The following NTM variants were observed in gnomAD, a reference collection of about 807,000 sequenced individuals.
NTM encodes the protein IgLON family member 2.
A neutral mutation model predicts 42.1 loss-of-function variants in NTM; 13 were observed. The ratio of observed to expected loss-of-function variants is 0.31; its 90% CI spans 0.20 to 0.49. The LOEUF (loss-of-function observed/expected upper bound fraction) is 0.49, where lower values mean the gene tolerates loss of function less well. NTM is among the 20% of genes least tolerant of loss of function. NTM has a pLI of 0.99. For missense variants in NTM, 373 were observed against 452.8 expected, an observed-to-expected ratio of 0.82 and a Z score of 1.60; for synonymous variants, 187 against 179.2, an observed-to-expected ratio of 1.04 and a Z score of -0.35.
chr11:131,502,807 G>A (rs1449579922), intron 1 of NTM: 2 of 152,262 alleles, frequency 1.3e-5, no homozygotes, highest in Non-Finnish European at 2.9e-5. Flanking sequence ...CATCAGAGCT[G>A]TGTAACACAG....
At chr11:131,746,517 A>C (rs1565494896) in intron 1 of NTM, among the ~76,000 whole-genome samples, 1 of 152,190 alleles carries the variant, frequency 6.6e-6, no homozygotes, top group Non-Finnish European at 1.5e-5. Context: ...CCAGGCACTA[A>C]GTTTGCCTTT....
intron 4 of NTM, among the ~76,000 whole-genome samples, chr11:132,282,187 G>A (rs1021360712): frequency 7.3e-5 from 11 of 151,566 alleles, no homozygotes; most frequent in African/African-American, 2.7e-4. Flanking sequence ...CCAATAGGGA[G>A]CCTGGCTCAA....
chr11:132,134,212 C>T (rs1591731386), intron 2 of NTM, among the ~76,000 whole-genome samples: 1 of 152,122 alleles, frequency 6.6e-6, no homozygotes, highest in South Asian at 2.1e-4. Flanking sequence ...CGTGAGCCAC[C>T]GTGCCTGCCC....
chr11:132,330,100 G>T, intron 7 of NTM, 53 bp from the exon 8 acceptor site: 1 of 1,549,536 alleles, frequency 6.5e-7, no homozygotes, highest in Non-Finnish European at 8.7e-7. Context: ...GGCAAAGTGA[G>T]CATCTCCGTC....
intron 1 of NTM, among the ~76,000 whole-genome samples, chr11:131,430,181 GC>G (rs1011662510): frequency 4.6e-5 from 7 of 152,158 alleles, no homozygotes; most frequent in African/African-American, 1.7e-4. Flanking sequence ...TTTAATGAAC[GC>G]TGTAATAATT....
At chr11:132,328,936 C>T (rs1289080963) in intron 7 of NTM, among the ~76,000 whole-genome samples, 1 of 152,142 alleles carries the variant, frequency 6.6e-6, no homozygotes. Flanking sequence ...TCCTGCAGTA[C>T]ATCAGATATT....
intron 1 of NTM, among the ~76,000 whole-genome samples, chr11:131,555,273 T>A (rs1284245113): frequency 6.6e-6 from 1 of 152,246 alleles, no homozygotes; most frequent in African/African-American, 2.4e-5. Context: ...TGTGGCAAGA[T>A]ATATTTATAC....
chr11:132,071,881 A>G (rs2057725442), intron 2 of NTM, among the ~76,000 whole-genome samples: 1 of 152,174 alleles, frequency 6.6e-6, no homozygotes, highest in African/African-American at 2.4e-5. Context: ...CTGTATTAGG[A>G]GTCCTTGACG....
chr11:132,212,835 C>T (rs2083092570), intron 4 of NTM, among the ~76,000 whole-genome samples: 1 of 151,990 alleles, frequency 6.6e-6, no homozygotes, highest in Non-Finnish European at 1.5e-5. Context: ...ATATTTCATT[C>T]TTAAATATTT....
At chr11:131,461,916 C>T (rs1951420610) in intron 1 of NTM, among the ~76,000 whole-genome samples, 1 of 151,934 alleles carries the variant, frequency 6.6e-6, no homozygotes, top group African/African-American at 2.4e-5. Flanking sequence ...ATCTGAAATC[C>T]CAGCAAGACC....
chr11:132,320,832 A>C (rs374706131), intron 7 of NTM, among the ~76,000 whole-genome samples: 1 of 151,474 alleles, frequency 6.6e-6, no homozygotes, highest in Non-Finnish European at 1.5e-5. Context: ...GAGATCTGAG[A>C]ACGGGCAGAC....
intron 2 of NTM, among the ~76,000 whole-genome samples, chr11:131,968,549 G>T (rs2063132622): frequency 6.6e-6 from 1 of 152,114 alleles, no homozygotes; most frequent in African/African-American, 2.4e-5. Flanking sequence ...CCATTTCTGT[G>T]TCTCTTGCCT....
At chr11:131,843,514 T>C (rs951250189) in intron 1 of NTM, among the ~76,000 whole-genome samples, 1 of 152,218 alleles carries the variant, frequency 6.6e-6, no homozygotes, top group Non-Finnish European at 1.5e-5. Flanking sequence ...AGCTCTCCAT[T>C]ATTGCAAGAC....
At chr11:131,464,505 A>G (rs193297537) in intron 1 of NTM, among the ~76,000 whole-genome samples, 23 of 152,186 alleles carry the variant, frequency 1.5e-4, no homozygotes, top group African/African-American at 5.5e-4. Flanking sequence ...CCCTAACAGG[A>G]TTCCCACCCT....
chr11:132,153,953 G>A (rs4575287), intron 3 of NTM, among the ~76,000 whole-genome samples: 6 of 152,228 alleles, frequency 3.9e-5, no homozygotes, highest in South Asian at 4.1e-4. Context: ...TATATTTCAT[G>A]AGGGTCTTCA....
At chr11:131,646,293 C>T (rs969413768) in intron 1 of NTM, among the ~76,000 whole-genome samples, 4 of 152,218 alleles carry the variant, frequency 2.6e-5, no homozygotes, top group African/African-American at 7.2e-5. Context: ...AGAGGGCCTG[C>T]TAGCCTGAAG....
chr11:132,239,072 C>T (rs1383990290), intron 4 of NTM, among the ~76,000 whole-genome samples: 2 of 152,176 alleles, frequency 1.3e-5, no homozygotes, highest in African/African-American at 2.4e-5. Flanking sequence ...AGCACAAAAA[C>T]TTCTCAGAAA....
intron 1 of NTM, among the ~76,000 whole-genome samples, chr11:131,382,288 A>G (rs1456558513): frequency 6.6e-6 from 1 of 152,154 alleles, no homozygotes; most frequent in Non-Finnish European, 1.5e-5. Context: ...CCCACTTACA[A>G]ACAGGAGGAC....
At chr11:131,534,636 A>AC (rs1365860870) in intron 1 of NTM, 2 of 152,218 alleles carry the variant, frequency 1.3e-5, no homozygotes, top group Non-Finnish European at 1.5e-5. Flanking sequence ...CAGATAACAA[A>AC]CCTTATTCTG....
Sources: allele counts gnomAD v4.1 joint callset (sites outside exome capture counted in the v4.1 genomes callset), GRCh38; gene constraint gnomAD v4.1.1; transcripts MANE v1.5; gene names NCBI Gene and HGNC (gene_info 2026-07-23, HGNC 2026-07-21).